GRK5: variants seen among roughly 807,000 people sequenced by gnomAD.
GRK5 encodes G protein-coupled receptor kinase 5, also known as g protein-coupled receptor kinase GRK5.
A neutral mutation model predicts 78.4 loss-of-function variants in GRK5; 40 were observed. That is an observed-to-expected ratio of 0.51 (90% confidence interval 0.40 to 0.66). GRK5 has a LOEUF of 0.66. Among genes scored for constraint, GRK5 ranks in the 30% least tolerant of loss-of-function variants. The pLI is 0.00. For missense variants in GRK5, 598 were observed against 759.9 expected (o/e 0.79, Z 2.50); for synonymous variants, 289 against 296.8 (o/e 0.97, Z 0.27).
intron 1 of GRK5, among the ~76,000 whole-genome samples, chr10:119,246,709 C>T (rs561786354): frequency 2.6e-5 from 4 of 152,286 alleles, no homozygotes; most frequent in South Asian, 2.1e-4. Flanking sequence ...GCAGAGCGTA[C>T]AATTATGTCA....
rs1853421935 is a variant in GRK5 at position 119,457,824 on chromosome 10, C to T, written c.*2757C>T. 1 of 150,636 alleles carries T rather than the reference C, an allele frequency of 6.6e-6. No individual in the cohort carries two copies. The highest frequency in any genetic ancestry group is 2.4e-5 in the African/African-American group (1 of 40,846). The allele number at this position is 150,636 out of a possible 1,614,324, so 9.3% of individuals were successfully genotyped here. A position where few individuals can be genotyped will look rare whatever the true frequency, so the allele number is the denominator to read the frequency against. On this transcript the variant is annotated 3_prime_UTR_variant, in exon 16 of 16. Coordinates refer to ENST00000392870, the MANE Select transcript of GRK5 (RefSeq NM_005308.3). ...GCCTCAGCCTCCGAGGTAGCTGGGACCATAGGCGTGCACCACCATACTCAG... is the reference window on the plus strand; with the variant it reads ...GCCTCAGCCTCCGAGGTAGCTGGGATCATAGGCGTGCACCACCATACTCAG...
chr10:119,424,977 G>C lies in GRK5; in HGVS notation c.441-16G>C, dbSNP rs752401002. ...GGGATTATAAAATGTTCATCCTCTT[G>C]TTCCATCTGCACTAGGTCTGTCCAC... On this transcript the variant is annotated splice_polypyrimidine_tract_variant and intron_variant, in intron 5 of 15. Transcript: ENST00000392870. 2.6e-6 allele frequency: 4 copies of C among 1,544,742 alleles called. No homozygotes were observed. The highest frequency in any genetic ancestry group is 2.7e-6 in the Non-Finnish European group (3 of 1,116,832).
At chr10:119,441,060 G>A (rs965740971) in intron 10 of GRK5, among the ~76,000 whole-genome samples, 29 of 152,348 alleles carry the variant, frequency 1.9e-4, no homozygotes, top group African/African-American at 5.3e-4. Flanking sequence ...GGGAGAAACC[G>A]GGTCGCTGAT....
intron 1 of GRK5, among the ~76,000 whole-genome samples, chr10:119,215,991 G>T (rs183398996): frequency 1.2e-4 from 19 of 152,320 alleles, no homozygotes; most frequent in East Asian, 1.2e-3. Context: ...ACTTAAAGAT[G>T]CCAAAGAAAC....
intron 1 of GRK5, among the ~76,000 whole-genome samples, chr10:119,208,340 T>C (rs1013904911): frequency 6.6e-6 from 1 of 152,020 alleles, no homozygotes; most frequent in Non-Finnish European, 1.5e-5. Context: ...GGGATGGTTC[T>C]GTGTGAACTG....
In GRK5 at chr10:119,458,882, C is replaced by T. The variant is rs1589821671; in HGVS notation, c.*3815C>T. ...AGGGGGCACCGCAGCCTCCTTGAGC[C>T]TGGCATCCCAGGCCTTGCCAAAGGG... On this transcript the variant is annotated 3_prime_UTR_variant, in exon 16 of 16. Transcript: ENST00000392870. 6.6e-6 allele frequency: 1 copy of T among 152,302 alleles called. No individual in the cohort carries two copies. Among genetic ancestry groups the T allele is most frequent in the Non-Finnish European group, 1.5e-5 (1 of 68,032 alleles). The allele number at this position is 152,302 out of a possible 1,614,324, so 9.4% of individuals were successfully genotyped here.
chr10:119,260,900 C>T (rs1469216410), intron 1 of GRK5, among the ~76,000 whole-genome samples: 10 of 152,172 alleles, frequency 6.6e-5, no homozygotes, highest in South Asian at 6.2e-4. Flanking sequence ...CATCATGGCC[C>T]GTTCTCAATG....
At chr10:119,367,964 G>A (rs1038062623) in intron 2 of GRK5, among the ~76,000 whole-genome samples, 2 of 152,254 alleles carry the variant, frequency 1.3e-5, no homozygotes, top group Admixed American at 1.3e-4. Context: ...AGGCGCCTCG[G>A]CAGGGCCAGG....
At chr10:119,279,744 C>T (rs1310509640) in intron 1 of GRK5, among the ~76,000 whole-genome samples, 4 of 152,234 alleles carry the variant, frequency 2.6e-5, no homozygotes, top group South Asian at 2.1e-4. Context: ...CACTGATGTG[C>T]GTGCCAGTAA....
intron 1 of GRK5, among the ~76,000 whole-genome samples, chr10:119,289,068 A>G (rs977603428): frequency 1.1e-4 from 16 of 152,132 alleles, no homozygotes; most frequent in Admixed American, 2.0e-4. Flanking sequence ...TGTATTTTTA[A>G]CTTCATGAGA....
chr10:119,415,119 A>AATGGCAGTG, intron 4 of GRK5, among the ~76,000 whole-genome samples: 1 of 151,862 alleles, frequency 6.6e-6, no homozygotes, highest in Non-Finnish European at 1.5e-5. Flanking sequence ...AGAAAAAAGA[A>AATGGCAGTG]ATGGCAGTGA....
chr10:119,369,944 C>T (rs1851520336), intron 2 of GRK5, among the ~76,000 whole-genome samples: 1 of 152,178 alleles, frequency 6.6e-6, no homozygotes, highest in African/African-American at 2.4e-5. Flanking sequence ...TGCCCATTCC[C>T]ACTGCAAGGA....
chr10:119,446,575 C>CT (rs1213943368), intron 12 of GRK5, among the ~76,000 whole-genome samples: 1 of 152,012 alleles, frequency 6.6e-6, no homozygotes, highest in Non-Finnish European at 1.5e-5. Flanking sequence ...CAGTGCAGCA[C>CT]CTGGGCCCAG....
intron 1 of GRK5, among the ~76,000 whole-genome samples, chr10:119,273,592 G>A (rs1482264007): frequency 2.6e-5 from 4 of 152,306 alleles, no homozygotes; most frequent in South Asian, 4.1e-4. Context: ...TGGATGGGCC[G>A]CGGCTTTGAC....
intron 2 of GRK5, among the ~76,000 whole-genome samples, chr10:119,327,691 C>A (rs1193488538): frequency 6.6e-6 from 1 of 152,194 alleles, no homozygotes; most frequent in Non-Finnish European, 1.5e-5. Flanking sequence ...ACTTACCTGC[C>A]ACCCCCAGGC....
intron 5 of GRK5, 52 bp from the exon 6 acceptor site, chr10:119,424,941 G>A (rs1405993004): frequency 1.5e-6 from 2 of 1,308,216 alleles, no homozygotes; most frequent in Non-Finnish European, 1.1e-6. Flanking sequence ...TTGCCCCCCT[G>A]CTTGAAGATC....
intron 3 of GRK5, 40 bp from the exon 4 acceptor site, chr10:119,396,655 A>T (rs1434092531): frequency 6.5e-7 from 1 of 1,530,490 alleles, no homozygotes; most frequent in South Asian, 1.1e-5. Flanking sequence ...GAAGCTCATG[A>T]GCAAACCTGT....
intron 2 of GRK5, among the ~76,000 whole-genome samples, chr10:119,374,411 G>A (rs190346181): frequency 5.3e-5 from 8 of 152,292 alleles, no homozygotes; most frequent in Admixed American, 3.9e-4. Flanking sequence ...AGAGGCAAGC[G>A]AGGTCTCTCC....
At position 119,289,670 on chromosome 10, in the gene GRK5, C is replaced by T. The variant is rs536520552; in HGVS notation, c.53-36846C>T. On this transcript the variant is annotated intron_variant, in intron 1 of 15. Transcript: ENST00000392870. ...TTCTTGCCTCCTTGGTCTTTGTGCA[C>T]GGGCCTCCCGCTTCCCGAGTCTCTC... Among the ~76,000 whole-genome samples the T allele has an allele frequency of 3.7e-4, 56 of 152,310 alleles. No homozygotes were observed. The Middle Eastern group carries it at 0.014, about 37-fold the overall frequency.
Sources: allele counts gnomAD v4.1 joint callset (sites outside exome capture counted in the v4.1 genomes callset), GRCh38; gene constraint gnomAD v4.1.1; transcripts MANE v1.5; gene names NCBI Gene and HGNC (gene_info 2026-07-23, HGNC 2026-07-21).